LDAH: variants seen among roughly 807,000 people sequenced by gnomAD.
LDAH encodes lipid droplet associated hydrolase, also known as lipid droplet-associated hydrolase.
Under a neutral mutation model 29.6 loss-of-function variants are expected in LDAH, and 26 were observed. The ratio of observed to expected loss-of-function variants is 0.88; its 90% CI spans 0.64 to 1.22. The LOEUF is 1.22. Among genes scored for constraint, LDAH ranks in the 50% most tolerant of loss-of-function variants. LDAH has a pLI of 0.00. For missense variants in LDAH, 344 were observed against 387.3 expected (o/e 0.89, Z 0.94); for synonymous variants, 117 against 133.0 (o/e 0.88, Z 0.83).
intron 4 of LDAH, among the ~76,000 whole-genome samples, chr2:20,770,818 C>T (rs896105797): frequency 6.6e-6 from 1 of 152,122 alleles, no homozygotes; most frequent in African/African-American, 2.4e-5. Context: ...CAGCTAATAC[C>T]AGTATGCCCC....
At chr2:20,726,518 G>GTA (rs1489840014) in intron 5 of LDAH, among the ~76,000 whole-genome samples, 4 of 152,180 alleles carry the variant, frequency 2.6e-5, no homozygotes, top group African/African-American at 9.7e-5. Context: ...GGTTAAGTAG[G>GTA]ACCAGATAGT....
At chr2:20,799,301 T>C (rs1671510621) in intron 2 of LDAH, among the ~76,000 whole-genome samples, 1 of 152,212 alleles carries the variant, frequency 6.6e-6, no homozygotes, top group Admixed American at 6.5e-5. Context: ...TGGTTGCCTC[T>C]GAGAACATCT....
rs1215894030 is a variant in LDAH, at chr2:20,790,262, T to C, written c.291A>G (p.Thr97=). 7 of 1,614,022 alleles carry C rather than the reference T, an allele frequency of 4.3e-6. No individual in the cohort carries two copies. The highest frequency in any genetic ancestry group is 1.3e-5 in the African/African-American group (1 of 74,942). ...ATATTAACAAGGACATACCCTCTGA[T>C]GTTGTAAGAATCTTCTTGTCTTTGG... ...LAPKDKKILT[T]SEDSNAQEIK... is the part of the protein sequence containing the mutation. The change falls in exon 3 of 7, where the codon ACA becomes ACG. Residue 97 remains threonine, a synonymous_variant. Coordinates refer to ENST00000237822, the MANE Select transcript of LDAH (RefSeq NM_021925.4).
At chr2:20,725,319 T>C (rs1665935226) in intron 5 of LDAH, among the ~76,000 whole-genome samples, 1 of 152,124 alleles carries the variant, frequency 6.6e-6, no homozygotes, top group Non-Finnish European at 1.5e-5. Flanking sequence ...TACAATAATC[T>C]TGGGAGCTGA....
At position 20,685,428 on chromosome 2, in the gene LDAH, T is replaced by C. The variant is rs897618524; in HGVS notation, c.*1475A>G. 39 of 1,313,038 alleles carry C rather than the reference T, an allele frequency of 3.0e-5. No homozygotes were observed. The highest frequency in any genetic ancestry group is 2.1e-4 in the South Asian group (14 of 67,354). The allele number at this position is 1,313,038 out of a possible 1,614,324, so 81.3% of individuals were successfully genotyped here. A position where few individuals can be genotyped will look rare whatever the true frequency, so the allele number is the denominator to read the frequency against. ...CTGTGCTTACGGCCTATGTATCTAT[T>C]AGCTCTTCCCCTTGGGCTAACAGCA... On this transcript the variant is annotated 3_prime_UTR_variant, in exon 7 of 7. Coordinates refer to ENST00000237822, the MANE Select transcript of LDAH (RefSeq NM_021925.4).
chr2:20,800,602 T>C (rs1185721884), intron 2 of LDAH, among the ~76,000 whole-genome samples: 2 of 152,098 alleles, frequency 1.3e-5, no homozygotes, highest in African/African-American at 4.8e-5. Flanking sequence ...CAGAATATTC[T>C]AATTTTTAAT....
intron 6 of LDAH, among the ~76,000 whole-genome samples, chr2:20,697,741 G>C (rs73239148): frequency 6.6e-6 from 1 of 152,108 alleles, no homozygotes; most frequent in Non-Finnish European, 1.5e-5. Flanking sequence ...GCGGTGTACA[G>C]GTCCAGAGGT....
At chr2:20,765,323 C>T (rs920017449) in intron 4 of LDAH, among the ~76,000 whole-genome samples, 2 of 152,188 alleles carry the variant, frequency 1.3e-5, no homozygotes, top group African/African-American at 4.8e-5. Context: ...TCTTCTCCTT[C>T]ACTGGCCAGT....
chr2:20,747,450 T>C (rs1287509326), intron 4 of LDAH, among the ~76,000 whole-genome samples: 2 of 152,148 alleles, frequency 1.3e-5, no homozygotes, highest in Non-Finnish European at 2.9e-5. Context: ...TTGTAAGGCA[T>C]GTCTTAGCCA....
chr2:20,753,556 A>T (rs1668107274), intron 4 of LDAH, among the ~76,000 whole-genome samples: 1 of 152,232 alleles, frequency 6.6e-6, no homozygotes, highest in Non-Finnish European at 1.5e-5. Flanking sequence ...ATAAGGGTGT[A>T]TTTAATGTTT....
chr2:20,783,475 G>A (rs761932549), intron 3 of LDAH, among the ~76,000 whole-genome samples: 10 of 152,052 alleles, frequency 6.6e-5, no homozygotes, highest in Non-Finnish European at 1.5e-4. Context: ...TTTGTTGTTA[G>A]GTACATATTT....
chr2:20,774,717 C>T, intron 4 of LDAH, 93 bp downstream of exon 4: 2 of 1,272,212 alleles, frequency 1.6e-6, no homozygotes, highest in Non-Finnish European at 2.2e-6. Context: ...TATTTATCAA[C>T]TGAACAAGAG....
intron 4 of LDAH, among the ~76,000 whole-genome samples, chr2:20,760,751 C>A (rs1668627852): frequency 6.6e-6 from 1 of 152,214 alleles, no homozygotes; most frequent in African/African-American, 2.4e-5. Flanking sequence ...GAGACTTCTG[C>A]AAGACAGGCC....
At chr2:20,820,103 T>G (rs377209481) in intron 1 of LDAH, among the ~76,000 whole-genome samples, 30 of 151,646 alleles carry the variant, frequency 2.0e-4, no homozygotes, top group South Asian at 6.3e-4. Flanking sequence ...CACTGCTCAA[T>G]GAAATAAAAG....
At chr2:20,758,387 A>G (rs1668471415) in intron 4 of LDAH, among the ~76,000 whole-genome samples, 1 of 152,204 alleles carries the variant, frequency 6.6e-6, no homozygotes, top group Non-Finnish European at 1.5e-5. Flanking sequence ...CAAAAAATAG[A>G]ATAACTAAAA....
intron 5 of LDAH, among the ~76,000 whole-genome samples, chr2:20,724,452 T>C (rs545283697): frequency 1.6e-4 from 24 of 152,144 alleles, no homozygotes; most frequent in African/African-American, 5.8e-4. Context: ...TAAGGAAGGG[T>C]TGTTAAGTGA....
At chr2:20,774,234 T>C (rs1220905239) in intron 4 of LDAH, among the ~76,000 whole-genome samples, 1 of 152,244 alleles carries the variant, frequency 6.6e-6, no homozygotes, top group Non-Finnish European at 1.5e-5. Flanking sequence ...TCTTTGCGTC[T>C]CTAGCGCCTC....
chr2:20,720,934 G>A (rs1236695414), intron 5 of LDAH, among the ~76,000 whole-genome samples: 1 of 152,140 alleles, frequency 6.6e-6, no homozygotes, highest in African/African-American at 2.4e-5. Context: ...TCCATATGCA[G>A]AAGAATGAAG....
At chr2:20,780,120 C>T (rs970730544) in intron 3 of LDAH, among the ~76,000 whole-genome samples, 3 of 152,188 alleles carry the variant, frequency 2.0e-5, no homozygotes, top group African/African-American at 7.2e-5. Flanking sequence ...ACTGGTACAA[C>T]TCTGTTAGCT....
Sources: allele counts gnomAD v4.1 joint callset (sites outside exome capture counted in the v4.1 genomes callset), GRCh38; gene constraint gnomAD v4.1.1; transcripts MANE v1.5; gene names NCBI Gene and HGNC (gene_info 2026-07-23, HGNC 2026-07-21).